RBFOX1: variants seen among roughly 807,000 people sequenced by gnomAD.
RBFOX1 encodes RNA binding protein fox-1 homolog 1.
In RBFOX1, 8 loss-of-function variants were observed where a neutral mutation model predicts 57.7. That is an observed-to-expected ratio of 0.14 (90% confidence interval 0.08 to 0.25). The LOEUF (loss-of-function observed/expected upper bound fraction) is 0.25, where lower values mean the gene tolerates loss of function less well. Among genes scored for constraint, RBFOX1 ranks in the 10% least tolerant of loss-of-function variants. RBFOX1 has a pLI of 1.00. For missense variants in RBFOX1, 611 were observed against 548.5 expected (o/e 1.11, Z -1.14); for synonymous variants, 326 against 222.4 (o/e 1.47, Z -4.15).
chr16:6,743,490 C>A (rs914948219), intron 3 of RBFOX1, among the ~76,000 whole-genome samples: 1 of 152,022 alleles, frequency 6.6e-6, no homozygotes, highest in Non-Finnish European at 1.5e-5. Flanking sequence ...ACCTGTAGTC[C>A]CAGCACTTTG....
At chr16:5,598,009 C>T (rs1189719684) in intron 2 of RBFOX1, among the ~76,000 whole-genome samples, 1 of 152,094 alleles carries the variant, frequency 6.6e-6, no homozygotes, top group Non-Finnish European at 1.5e-5. Flanking sequence ...ACAAGAAATA[C>T]ACAGTGGCTG....
At chr16:6,118,807 T>A (rs1309640381) in intron 1 of RBFOX1, among the ~76,000 whole-genome samples, 1 of 150,908 alleles carries the variant, frequency 6.6e-6, no homozygotes. Flanking sequence ...CCTTCCTTCC[T>A]TCCTTCCTTC....
intron 2 of RBFOX1, among the ~76,000 whole-genome samples, chr16:6,556,434 G>A (rs897000957): frequency 6.6e-6 from 1 of 152,068 alleles, no homozygotes; most frequent in African/African-American, 2.4e-5. Flanking sequence ...CACTGTCCTC[G>A]GTCATCTCAA....
intron 2 of RBFOX1, among the ~76,000 whole-genome samples, chr16:6,592,533 G>C (rs17140664): frequency 0.059 from 9,024 of 152,270 alleles, 874 homozygotes; most frequent in African/African-American, 0.2. Flanking sequence ...TAGTGAATAA[G>C]GTGAGAGACT....
At chr16:6,790,144 CTT>C (rs1294324996) in intron 3 of RBFOX1, among the ~76,000 whole-genome samples, 2 of 144,400 alleles carry the variant, frequency 1.4e-5, no homozygotes, top group African/African-American at 2.6e-5. Flanking sequence ...AAATGTGACT[CTT>C]AGATTCTGGA....
chr16:5,256,955 A>G lies in RBFOX1; in HGVS notation c.219+16850A>G, dbSNP rs866879505. ...TCTGAAAAAAGAAAAAAAAAAAAGC[A>G]AAGTTAACACTTCCTCCATCTCTCT... is the stretch of plus-strand genomic sequence containing the variant. On this transcript the variant is annotated intron_variant, in intron 1 of 2. Transcript: ENST00000585867. Among the ~76,000 whole-genome samples, 15 of 151,770 alleles carry G rather than the reference A, an allele frequency of 9.9e-5. No homozygotes were observed. The East Asian group carries it at 2.9e-3, about 30-fold the overall frequency.
At chr16:5,733,110 A>G (rs1324758293) in intron 3 of RBFOX1, among the ~76,000 whole-genome samples, 1 of 152,206 alleles carries the variant, frequency 6.6e-6, no homozygotes, top group Non-Finnish European at 1.5e-5. Context: ...CAAATGAACA[A>G]AAAAAGTCCC....
chr16:5,996,336 C>G (rs2060489965), intron 4 of RBFOX1, among the ~76,000 whole-genome samples: 1 of 152,130 alleles, frequency 6.6e-6, no homozygotes. Context: ...TGATTTGAAA[C>G]CCATGAGAAC....
At chr16:7,024,266 G>A (rs1001327445) in intron 3 of RBFOX1, among the ~76,000 whole-genome samples, 1 of 152,114 alleles carries the variant, frequency 6.6e-6, no homozygotes, top group Non-Finnish European at 1.5e-5. Context: ...ACAGAGACAT[G>A]GTGGCTTTGA....
At chr16:6,065,329 G>A (rs549139326) in intron 1 of RBFOX1, among the ~76,000 whole-genome samples, 2 of 151,682 alleles carry the variant, frequency 1.3e-5, no homozygotes, top group African/African-American at 2.4e-5. Context: ...ACCACCGCAC[G>A]CGGCCCTATG....
intron 4 of RBFOX1, among the ~76,000 whole-genome samples, chr16:7,135,231 G>C (rs2071592248): frequency 6.6e-6 from 1 of 152,108 alleles, no homozygotes; most frequent in Admixed American, 6.6e-5. Flanking sequence ...GCCCTGTCTA[G>C]GAATTTTTTT....
At chr16:6,960,850 A>G (rs2082816516) in intron 3 of RBFOX1, among the ~76,000 whole-genome samples, 1 of 151,870 alleles carries the variant, frequency 6.6e-6, no homozygotes, top group African/African-American at 2.4e-5. Flanking sequence ...TAAATGCCTC[A>G]GGTCCGGGTG....
intron 2 of RBFOX1, among the ~76,000 whole-genome samples, chr16:6,472,521 A>G (rs940180715): frequency 3.9e-5 from 6 of 152,032 alleles, no homozygotes; most frequent in Non-Finnish European, 8.8e-5. Flanking sequence ...TACTGCTGAC[A>G]TCTGTGGAGT....
chr16:6,499,019 A>G (rs1009408153), intron 2 of RBFOX1, among the ~76,000 whole-genome samples: 23 of 152,158 alleles, frequency 1.5e-4, no homozygotes, highest in Admixed American at 3.3e-4. Flanking sequence ...TTACCATTCT[A>G]TGATTGTGTG....
chr16:6,993,765 A>G (rs1470603359), intron 3 of RBFOX1, among the ~76,000 whole-genome samples: 2 of 152,068 alleles, frequency 1.3e-5, no homozygotes, highest in Non-Finnish European at 2.9e-5. Context: ...GGCAGGGGAG[A>G]TCATAAATCT....
chr16:7,304,534 G>A (rs2096124832), intron 4 of RBFOX1: 3 of 985,268 alleles, frequency 3.0e-6, no homozygotes, highest in South Asian at 4.7e-5. Context: ...GGCTGGGCCA[G>A]ATGGGTCCCC....
intron 4 of RBFOX1, among the ~76,000 whole-genome samples, chr16:7,318,653 A>T (rs2096488636): frequency 2.0e-5 from 3 of 152,216 alleles, no homozygotes; most frequent in African/African-American, 4.8e-5. Flanking sequence ...TTGTTAAATA[A>T]AGTGTCAGTG....
intron 2 of RBFOX1, among the ~76,000 whole-genome samples, chr16:6,445,923 C>A (rs1332643273): frequency 2.6e-5 from 4 of 151,744 alleles, no homozygotes; most frequent in Non-Finnish European, 5.9e-5. Flanking sequence ...GATTCAGCAT[C>A]CCTGTTAACT....
At chr16:7,636,318 C>T (rs1429856426) in intron 11 of RBFOX1, among the ~76,000 whole-genome samples, 1 of 152,146 alleles carries the variant, frequency 6.6e-6, no homozygotes, top group East Asian at 1.9e-4. Context: ...TTTAGTTTGT[C>T]TCTGCCTTTC....
Sources: gnomAD v4.1 joint callset for allele counts (sites outside exome capture counted in the v4.1 genomes callset) on GRCh38, gnomAD v4.1.1 for gene constraint, MANE v1.5 for transcripts, NCBI Gene and HGNC (gene_info 2026-07-23, HGNC 2026-07-21) for gene names.